OSBPL1A: variants seen among roughly 807,000 people sequenced by gnomAD.
OSBPL1A encodes oxysterol-binding protein-related protein 1.
In OSBPL1A, 80 loss-of-function variants were observed where a neutral mutation model predicts 137.1. The observed-to-expected ratio is 0.58, with a 90% CI of 0.49 to 0.70. The LOEUF (loss-of-function observed/expected upper bound fraction) is 0.70, where lower values mean the gene tolerates loss of function less well. Ranked by LOEUF, OSBPL1A falls within the 30% of genes least tolerant of loss-of-function variation. The probability of loss-of-function intolerance (pLI) is 0.00; values close to 1 mark genes in which losing one functional copy is unlikely to be tolerated. For synonymous variants in OSBPL1A, 365 were observed against 389.7 expected (o/e 0.94, Z 0.75); for missense variants, 970 against 1,129.4 (o/e 0.86, Z 2.02).
chr18:24,235,020 G>A (rs1175888787), intron 16 of OSBPL1A, among the ~76,000 whole-genome samples: 1 of 152,172 alleles, frequency 6.6e-6, no homozygotes, highest in Non-Finnish European at 1.5e-5. Flanking sequence ...AAGTGAGTGT[G>A]AAGAGGCAGT....
At chr18:24,385,911 C>G (rs1351651853) in intron 1 of OSBPL1A, among the ~76,000 whole-genome samples, 3 of 152,140 alleles carry the variant, frequency 2.0e-5, no homozygotes, top group Non-Finnish European at 4.4e-5. Context: ...AGAGGCAAAC[C>G]TTGGTGCTGA....
chr18:24,318,555 G>A (rs996527323), intron 9 of OSBPL1A, 46 bp downstream of exon 9: 1 of 1,479,674 alleles, frequency 6.8e-7, no homozygotes, highest in African/African-American at 1.4e-5. Context: ...GAGCACCTGA[G>A]AATTATTCTT....
chr18:24,379,590 G>C (rs919139571), intron 1 of OSBPL1A, among the ~76,000 whole-genome samples: 1 of 151,658 alleles, frequency 6.6e-6, no homozygotes, highest in Admixed American at 6.6e-5. Context: ...TCTAAAAAAA[G>C]AAAACAGAGA....
intron 1 of OSBPL1A, among the ~76,000 whole-genome samples, chr18:24,382,852 G>A (rs897120219): frequency 1.3e-5 from 2 of 151,774 alleles, no homozygotes; most frequent in Non-Finnish European, 2.9e-5. Flanking sequence ...CTTTAGCCTG[G>A]GTGAGAGTGA....
chr18:24,258,168 C>T (rs982854513), intron 15 of OSBPL1A, among the ~76,000 whole-genome samples: 1 of 152,166 alleles, frequency 6.6e-6, no homozygotes, highest in African/African-American at 2.4e-5. Flanking sequence ...ATCTGCACTC[C>T]CATGTTTGCT....
intron 17 of OSBPL1A, among the ~76,000 whole-genome samples, chr18:24,218,067 C>A (rs2087763974): frequency 6.6e-6 from 1 of 152,014 alleles, no homozygotes; most frequent in South Asian, 2.1e-4. Context: ...ACTTAAGAGA[C>A]ATAGAAACCA....
chr18:24,311,903 T>C, intron 13 of OSBPL1A, 81 bp downstream of exon 13: 1 of 1,501,720 alleles, frequency 6.7e-7, no homozygotes, highest in Non-Finnish European at 9.2e-7. Flanking sequence ...TTTCAAAACC[T>C]TACATCTTAA....
chr18:24,163,364 C>G, intron 27 of OSBPL1A, 83 bp from the exon 28 acceptor site: 2 of 966,908 alleles, frequency 2.1e-6, no homozygotes, highest in Non-Finnish European at 3.2e-6. Context: ...CAGTATTATT[C>G]TATTGCAGCA....
chr18:24,303,768 C>T (rs746111122), intron 13 of OSBPL1A, 50 bp from the exon 14 acceptor site: 2 of 1,442,334 alleles, frequency 1.4e-6, no homozygotes, highest in South Asian at 1.1e-5. Flanking sequence ...AAAGATTTTA[C>T]ATTACTTATG....
At chr18:24,204,558 CTTTTT>C (rs34877962) in intron 17 of OSBPL1A, among the ~76,000 whole-genome samples, 1 of 143,248 alleles carries the variant, frequency 7.0e-6, no homozygotes, top group African/African-American at 2.6e-5. Context: ...AAAGCTGTTT[CTTTTT>C]TTTTTTTTTT....
chr18:24,292,181 G>A (rs931787847), intron 14 of OSBPL1A, among the ~76,000 whole-genome samples: 1 of 152,140 alleles, frequency 6.6e-6, no homozygotes, highest in Admixed American at 6.6e-5. Context: ...GTGAAATAAA[G>A]ATTTAGATAA....
intron 18 of OSBPL1A, among the ~76,000 whole-genome samples, chr18:24,187,892 G>A (rs1319071369): frequency 6.6e-6 from 1 of 152,224 alleles, no homozygotes; most frequent in African/African-American, 2.4e-5. Context: ...GTTCACTGCA[G>A]TGGCAACCAG....
At chr18:24,197,913 A>T (rs2087085104) in intron 17 of OSBPL1A, among the ~76,000 whole-genome samples, 1 of 150,646 alleles carries the variant, frequency 6.6e-6, no homozygotes. Flanking sequence ...CAGCCTCCCG[A>T]GTAGCTGGGA....
intron 7 of OSBPL1A, among the ~76,000 whole-genome samples, chr18:24,324,786 A>T (rs1344413326): frequency 1.3e-5 from 1 of 76,654 alleles, no homozygotes; most frequent in Non-Finnish European, 2.6e-5. Flanking sequence ...TCTGTCTATT[A>T]AAAAAAAAAA....
intron 17 of OSBPL1A, among the ~76,000 whole-genome samples, chr18:24,202,189 C>T (rs1243816055): frequency 1.3e-5 from 2 of 152,138 alleles, no homozygotes; most frequent in African/African-American, 4.8e-5. Context: ...AGTGCAAACT[C>T]TTGCTACCAC....
chr18:24,276,245 C>G (rs896329580), intron 15 of OSBPL1A, among the ~76,000 whole-genome samples: 1 of 152,084 alleles, frequency 6.6e-6, no homozygotes, highest in Non-Finnish European at 1.5e-5. Flanking sequence ...AATATAATTC[C>G]AGAAACCAGT....
At chr18:24,181,063 A>C in intron 19 of OSBPL1A, 82 bp downstream of exon 19, 1 of 1,472,174 alleles carries the variant, frequency 6.8e-7, no homozygotes, top group Non-Finnish European at 9.1e-7. Context: ...TTTAACACTA[A>C]TTGTGTGAAC....
chr18:24,165,034 C>A, intron 27 of OSBPL1A, 31 bp downstream of exon 27: 1 of 1,610,620 alleles, frequency 6.2e-7, no homozygotes, highest in Non-Finnish European at 8.5e-7. Flanking sequence ...TGCCTGAGGG[C>A]TCAGCCACAC....
chr18:24,325,349 C>T (rs1384127842), intron 7 of OSBPL1A, among the ~76,000 whole-genome samples: 1 of 152,194 alleles, frequency 6.6e-6, no homozygotes, highest in Non-Finnish European at 1.5e-5. Flanking sequence ...TGATGCTATC[C>T]ACTCTTCTCC....
Sources: gnomAD v4.1 joint callset for allele counts (sites outside exome capture counted in the v4.1 genomes callset) on GRCh38, gnomAD v4.1.1 for gene constraint, MANE v1.5 for transcripts, NCBI Gene and HGNC (gene_info 2026-07-23, HGNC 2026-07-21) for gene names.